Variants in RALYL observed in about 807,000 individuals in gnomAD.
The protein encoded by RALYL is RALY RNA binding protein like, also known as RNA-binding Raly-like protein.
Under a neutral mutation model 35.1 loss-of-function variants are expected in RALYL, and 29 were observed. The ratio of observed to expected loss-of-function variants is 0.83; its 90% CI spans 0.61 to 1.13. RALYL has a LOEUF of 1.13. RALYL is among the 50% of genes most tolerant of loss of function. The pLI is 0.00. For missense variants in RALYL, 359 were observed against 360.4 expected, an observed-to-expected ratio of 1.00 and a Z score of 0.03; for synonymous variants, 120 against 127.6, an observed-to-expected ratio of 0.94 and a Z score of 0.40.
chr8:84,834,489 C>T (rs1831549086), intron 4 of RALYL, among the ~76,000 whole-genome samples: 1 of 152,090 alleles, frequency 6.6e-6, no homozygotes, highest in African/African-American at 2.4e-5. Context: ...ATCACTGGGC[C>T]TCTGATAAGC....
At chr8:84,410,258 A>C (rs1306766598) in intron 1 of RALYL, among the ~76,000 whole-genome samples, 1 of 151,888 alleles carries the variant, frequency 6.6e-6, no homozygotes, top group Non-Finnish European at 1.5e-5. Context: ...GTACTCTAGA[A>C]CCGGATTGCC....
chr8:84,544,302 G>A (rs2060212389), intron 2 of RALYL, among the ~76,000 whole-genome samples: 2 of 151,468 alleles, frequency 1.3e-5, no homozygotes. Context: ...TTTTCCCTCT[G>A]CTATCCTCTC....
chr8:84,652,021 A>G (rs941240063), intron 2 of RALYL, among the ~76,000 whole-genome samples: 1 of 152,086 alleles, frequency 6.6e-6, no homozygotes, highest in Non-Finnish European at 1.5e-5. Flanking sequence ...ATGAAAATTG[A>G]ACATATTATT....
chr8:84,445,536 T>G (rs1481866023), intron 1 of RALYL, among the ~76,000 whole-genome samples: 1 of 151,930 alleles, frequency 6.6e-6, no homozygotes. Context: ...CATATCATAG[T>G]TCTATGTTTG....
At chr8:84,491,779 A>G (rs1349703729) in intron 1 of RALYL, among the ~76,000 whole-genome samples, 2 of 152,030 alleles carry the variant, frequency 1.3e-5, no homozygotes, top group African/African-American at 4.8e-5. Flanking sequence ...AGTCTTAGAT[A>G]TATTTGATGA....
intron 1 of RALYL, among the ~76,000 whole-genome samples, chr8:84,437,573 A>G (rs2047878470): frequency 6.6e-6 from 1 of 151,960 alleles, no homozygotes; most frequent in Non-Finnish European, 1.5e-5. Context: ...ATGGTATCTC[A>G]TTGTGGTTTT....
intron 8 of RALYL, among the ~76,000 whole-genome samples, chr8:84,900,723 AT>A (rs1257521908): frequency 6.6e-6 from 1 of 152,234 alleles, no homozygotes; most frequent in East Asian, 1.9e-4. Flanking sequence ...GGAAAACAAA[AT>A]TTTTTAATTG....
At chr8:84,388,999 C>T (rs1166920527) in intron 1 of RALYL, among the ~76,000 whole-genome samples, 1 of 152,068 alleles carries the variant, frequency 6.6e-6, no homozygotes, top group Non-Finnish European at 1.5e-5. Flanking sequence ...GTCTTTAATC[C>T]ATCTTGAATT....
intron 2 of RALYL, among the ~76,000 whole-genome samples, chr8:84,766,133 T>C (rs1298672016): frequency 6.6e-6 from 1 of 152,130 alleles, no homozygotes; most frequent in Non-Finnish European, 1.5e-5. Flanking sequence ...GTTGAATCCA[T>C]GGCAAATAAA....
At chr8:84,770,013 A>T (rs963435954) in intron 2 of RALYL, among the ~76,000 whole-genome samples, 1 of 152,016 alleles carries the variant, frequency 6.6e-6, no homozygotes, top group Non-Finnish European at 1.5e-5. Flanking sequence ...GGTAAACTTC[A>T]TCCTGAATTC....
chr8:84,190,647 G>A (rs1324445720), intron 1 of RALYL, among the ~76,000 whole-genome samples: 1 of 152,180 alleles, frequency 6.6e-6, no homozygotes, highest in Non-Finnish European at 1.5e-5. Flanking sequence ...AGTATCTGTA[G>A]GAGAGCCTTA....
At chr8:84,820,763 C>A (rs1194313342) in intron 4 of RALYL, among the ~76,000 whole-genome samples, 1 of 151,952 alleles carries the variant, frequency 6.6e-6, no homozygotes, top group Non-Finnish European at 1.5e-5. Context: ...TCCGTGTGTT[C>A]TCATTGGAAC....
intron 2 of RALYL, among the ~76,000 whole-genome samples, chr8:84,575,079 A>G (rs1336422680): frequency 6.6e-6 from 1 of 152,172 alleles, no homozygotes; most frequent in Non-Finnish European, 1.5e-5. Flanking sequence ...AGCAAAAAAG[A>G]TTATGGTTTA....
At chr8:84,647,345 G>T (rs138882592) in intron 2 of RALYL, among the ~76,000 whole-genome samples, 12 of 152,132 alleles carry the variant, frequency 7.9e-5, no homozygotes, top group Non-Finnish European at 1.8e-4. Flanking sequence ...GACTATGGAT[G>T]TGCAGGTGAA....
chr8:84,404,736 A>T (rs574839476), intron 1 of RALYL, among the ~76,000 whole-genome samples: 3 of 152,178 alleles, frequency 2.0e-5, no homozygotes, highest in South Asian at 2.1e-4. Flanking sequence ...GGAAATTTTT[A>T]AAAGTAATGG....
intron 1 of RALYL, among the ~76,000 whole-genome samples, chr8:84,361,930 T>C (rs1853129705): frequency 6.6e-6 from 1 of 152,154 alleles, no homozygotes; most frequent in Non-Finnish European, 1.5e-5. Flanking sequence ...ATGCTGGCTG[T>C]GAGACTTTGA....
intron 2 of RALYL, among the ~76,000 whole-genome samples, chr8:84,659,372 G>A (rs1053076915): frequency 6.6e-6 from 1 of 152,000 alleles, no homozygotes; most frequent in Non-Finnish European, 1.5e-5. Flanking sequence ...TTCCCCATTA[G>A]GCCAAATGTG....
At chr8:84,260,008 A>T (rs1005813660) in intron 1 of RALYL, among the ~76,000 whole-genome samples, 1 of 152,130 alleles carries the variant, frequency 6.6e-6, no homozygotes, top group Non-Finnish European at 1.5e-5. Flanking sequence ...TTGCATTAAA[A>T]ACTGACTGTG....
At chr8:84,599,915 GT>G (rs754529728) in intron 2 of RALYL, among the ~76,000 whole-genome samples, 1,944 of 134,848 alleles carry the variant, frequency 0.014, 37 homozygotes, top group African/African-American at 0.042. Flanking sequence ...AGCAGGAGGT[GT>G]TTTTTTTTTT....
Sources: gnomAD v4.1 joint callset for allele counts (sites outside exome capture counted in the v4.1 genomes callset) on GRCh38, gnomAD v4.1.1 for gene constraint, MANE v1.5 for transcripts, NCBI Gene and HGNC (gene_info 2026-07-23, HGNC 2026-07-21) for gene names.